Variants in TMEM232 observed in about 807,000 individuals in gnomAD.
The protein encoded by TMEM232 is transmembrane protein 232.
In TMEM232, 80 loss-of-function variants were observed where a neutral mutation model predicts 78.8. The observed-to-expected ratio is 1.01, with a 90% CI of 0.85 to 1.22. The LOEUF (loss-of-function observed/expected upper bound fraction) is 1.22. Ranked by LOEUF, TMEM232 falls within the 50% of genes most tolerant of loss-of-function variation. The probability of loss-of-function intolerance (pLI) is 0.00; values close to 1 mark genes in which losing one functional copy is unlikely to be tolerated. For missense variants in TMEM232, 881 were observed against 742.2 expected, an observed-to-expected ratio of 1.19 and a Z score of -2.17; for synonymous variants, 297 against 254.3, an observed-to-expected ratio of 1.17 and a Z score of -1.60.
intron 12 of TMEM232, among the ~76,000 whole-genome samples, chr5:110,426,668 G>A (rs1757271891): frequency 6.6e-6 from 1 of 151,968 alleles, no homozygotes; most frequent in Admixed American, 6.6e-5. Context: ...ACATTGTGTG[G>A]GAGAAAAGCA....
chr5:110,640,633 A>T (rs893102348), intron 4 of TMEM232, among the ~76,000 whole-genome samples: 1 of 152,148 alleles, frequency 6.6e-6, no homozygotes, highest in African/African-American at 2.4e-5. Flanking sequence ...TTAGTTTTTA[A>T]TTAGTTGCTA....
downstream of TMEM232, chr5:110,417,652 T>G (rs949245965): frequency 4.6e-5 from 3 of 64,994 alleles, no homozygotes; most frequent in African/African-American, 6.6e-4. Flanking sequence ...CGGGGTAAAA[T>G]AAATAAGCAG....
At chr5:110,696,685 A>C (rs1794822983) in intron 1 of TMEM232, among the ~76,000 whole-genome samples, 1 of 152,206 alleles carries the variant, frequency 6.6e-6, no homozygotes, top group African/African-American at 2.4e-5. Flanking sequence ...ATCATGAGTG[A>C]ACTCCCATTC....
intron 12 of TMEM232, among the ~76,000 whole-genome samples, chr5:110,495,978 C>CATT (rs57682665): frequency 0.044 from 6,725 of 151,434 alleles, 485 homozygotes; most frequent in African/African-American, 0.15. Flanking sequence ...TGCACAGAGG[C>CATT]ATTATTATTA....
chr5:110,423,829 G>A (rs1362243167), intron 13 of TMEM232, among the ~76,000 whole-genome samples: 2 of 151,548 alleles, frequency 1.3e-5, no homozygotes, highest in Non-Finnish European at 2.9e-5. Flanking sequence ...GTGTGTATGT[G>A]ATGTTGGCAA....
At chr5:110,582,682 TA>T (rs1778344799) in intron 10 of TMEM232, among the ~76,000 whole-genome samples, 1 of 151,836 alleles carries the variant, frequency 6.6e-6, no homozygotes, top group Non-Finnish European at 1.5e-5. Flanking sequence ...GATAAACAAA[TA>T]AAAGGCATCC....
At chr5:110,431,394 A>AGG in intron 12 of TMEM232, among the ~76,000 whole-genome samples, 1 of 144,594 alleles carries the variant, frequency 6.9e-6, no homozygotes, top group Admixed American at 7.0e-5. Flanking sequence ...TAAAAGTTAG[A>AGG]TAATCCTGGA....
chr5:110,698,186 G>GA (rs1229681584), intron 1 of TMEM232, among the ~76,000 whole-genome samples: 6 of 151,184 alleles, frequency 4.0e-5, no homozygotes, highest in Non-Finnish European at 5.9e-5. Flanking sequence ...CTATCACAAG[G>GA]AAAAAAACCA....
At chr5:110,473,797 T>C (rs1488819715) in intron 12 of TMEM232, among the ~76,000 whole-genome samples, 5 of 140,430 alleles carry the variant, frequency 3.6e-5, no homozygotes, top group African/African-American at 1.1e-4. Context: ...AATGGAATAC[T>C]AGTCAAATTC....
chr5:110,498,029 C>A (rs1363311156), intron 12 of TMEM232, among the ~76,000 whole-genome samples: 10 of 152,050 alleles, frequency 6.6e-5, no homozygotes. Context: ...ACAGTTAATA[C>A]TTTTAATGCC....
intron 1 of TMEM232, among the ~76,000 whole-genome samples, chr5:110,676,533 A>T (rs935614875): frequency 6.6e-6 from 1 of 151,658 alleles, no homozygotes; most frequent in Admixed American, 6.6e-5. Context: ...GGCCGCTCAA[A>T]TAACTGGGAC....
At chr5:110,430,804 G>T (rs1757750286) in intron 12 of TMEM232, among the ~76,000 whole-genome samples, 1 of 151,764 alleles carries the variant, frequency 6.6e-6, no homozygotes, top group South Asian at 2.1e-4. Flanking sequence ...TCAATGACCT[G>T]ACAGATAACA....
chr5:110,538,416 C>A (rs1392349974), intron 11 of TMEM232, among the ~76,000 whole-genome samples: 1 of 152,124 alleles, frequency 6.6e-6, no homozygotes, highest in African/African-American at 2.4e-5. Context: ...AGAAAAATGG[C>A]AGGCAAAAAT....
chr5:110,478,993 G>A (rs1763567044), intron 12 of TMEM232, among the ~76,000 whole-genome samples: 1 of 145,846 alleles, frequency 6.9e-6, no homozygotes, highest in Non-Finnish European at 1.5e-5. Flanking sequence ...GACTTAAAGT[G>A]TTACTGAGTC....
At chr5:110,731,903 G>A (rs1414744671) in intron 2 of TMEM232, among the ~76,000 whole-genome samples, 1 of 152,114 alleles carries the variant, frequency 6.6e-6, no homozygotes, top group Non-Finnish European at 1.5e-5. Context: ...CTTTTCTACT[G>A]CATCATCAGG....
chr5:110,396,341 A>G (rs940228086), intron 3 of TMEM232, among the ~76,000 whole-genome samples: 15 of 152,140 alleles, frequency 9.9e-5, no homozygotes, highest in Middle Eastern at 3.2e-3. Flanking sequence ...GGGACACAAA[A>G]CCAAACCATA....
chr5:110,582,535 G>A (rs1342262913), intron 10 of TMEM232, among the ~76,000 whole-genome samples: 1 of 151,824 alleles, frequency 6.6e-6, no homozygotes, highest in Admixed American at 6.6e-5. Context: ...AGAGGCAGTG[G>A]CTGAAATACT....
intron 2 of TMEM232, among the ~76,000 whole-genome samples, chr5:110,661,441 T>G (rs532828339): frequency 6.6e-6 from 1 of 152,138 alleles, no homozygotes; most frequent in Admixed American, 6.5e-5. Flanking sequence ...TCTTCCTGGG[T>G]AGCTGGGACT....
chr5:110,394,420 G>C (rs1040747212), intron 3 of TMEM232, among the ~76,000 whole-genome samples: 3 of 152,172 alleles, frequency 2.0e-5, no homozygotes, highest in African/African-American at 7.2e-5. Flanking sequence ...ACATGAGAGT[G>C]CAGATTTCTT....
Sources: allele counts gnomAD v4.1 joint callset (sites outside exome capture counted in the v4.1 genomes callset), GRCh38; gene constraint gnomAD v4.1.1; transcripts MANE v1.5; gene names NCBI Gene and HGNC (gene_info 2026-07-23, HGNC 2026-07-21).